RUNDC3B: variants seen among roughly 807,000 people sequenced by gnomAD.
RUNDC3B encodes the protein RUN domain-containing protein 3B.
RUNDC3B carries 33 observed loss-of-function variants against 58.4 expected under a neutral mutation model. That is an observed-to-expected ratio of 0.56 (90% CI 0.43 to 0.75). The LOEUF (loss-of-function observed/expected upper bound fraction) is 0.75, where lower values mean the gene tolerates loss of function less well. Among genes scored for constraint, RUNDC3B ranks in the 30% least tolerant of loss-of-function variants. The pLI is 0.00. For missense variants in RUNDC3B, 501 were observed against 535.7 expected, an observed-to-expected ratio of 0.94 and a Z score of 0.64; for synonymous variants, 193 against 195.2, an observed-to-expected ratio of 0.99 and a Z score of 0.10.
intron 8 of RUNDC3B, among the ~76,000 whole-genome samples, chr7:87,803,764 C>T (rs1584247538): frequency 6.6e-6 from 1 of 151,898 alleles, no homozygotes; most frequent in African/African-American, 2.4e-5. Flanking sequence ...ATATTTTTTT[C>T]GATTGTCATG....
chr7:87,666,111 G>A (rs942113121), intron 2 of RUNDC3B, among the ~76,000 whole-genome samples: 2 of 152,110 alleles, frequency 1.3e-5, no homozygotes, highest in African/African-American at 4.8e-5. Context: ...TAACAGCAGT[G>A]TATAAGCATC....
At chr7:87,694,803 A>G (rs772740091) in intron 2 of RUNDC3B, among the ~76,000 whole-genome samples, 11 of 152,200 alleles carry the variant, frequency 7.2e-5, no homozygotes, top group Non-Finnish European at 1.3e-4. Flanking sequence ...GAGTAAAATT[A>G]CTGGGATAAA....
At chr7:87,736,311 CAT>C (rs1360778651) in intron 4 of RUNDC3B, among the ~76,000 whole-genome samples, 1 of 152,122 alleles carries the variant, frequency 6.6e-6, no homozygotes, top group Non-Finnish European at 1.5e-5. Context: ...ATAGTATCAA[CAT>C]AATTTATATT....
intron 2 of RUNDC3B, among the ~76,000 whole-genome samples, chr7:87,689,239 C>T (rs1563135648): frequency 6.6e-6 from 1 of 151,932 alleles, no homozygotes; most frequent in Non-Finnish European, 1.5e-5. Flanking sequence ...TACAATTAAT[C>T]CAATTTCATG....
At chr7:87,629,085 A>G in intron 1 of RUNDC3B, 140 bp downstream of exon 1, 1 of 797,582 alleles carries the variant, frequency 1.3e-6, no homozygotes, top group Non-Finnish European at 1.7e-6. Context: ...CAAATCTGTG[A>G]GCGCGCAGCT....
intron 1 of RUNDC3B, among the ~76,000 whole-genome samples, chr7:87,642,486 C>G (rs1034788685): frequency 2.6e-5 from 4 of 152,012 alleles, no homozygotes; most frequent in African/African-American, 9.6e-5. Context: ...ATAAAGTGTT[C>G]TTTATTAAAA....
At chr7:87,697,017 A>G (rs890096552) in intron 2 of RUNDC3B, among the ~76,000 whole-genome samples, 5 of 152,178 alleles carry the variant, frequency 3.3e-5, no homozygotes, top group African/African-American at 9.7e-5. Context: ...CAACAGCTCT[A>G]CTTTGAAACA....
chr7:87,826,390 T>TG (rs148891367), intron 10 of RUNDC3B, among the ~76,000 whole-genome samples: 21,784 of 151,528 alleles, frequency 0.14, 2,503 homozygotes, highest in African/African-American at 0.32. Context: ...CCCAGTCACG[T>TG]GAAGTGTGAA....
At chr7:87,756,727 A>T (rs1185899844) in intron 6 of RUNDC3B, among the ~76,000 whole-genome samples, 1 of 152,116 alleles carries the variant, frequency 6.6e-6, no homozygotes, top group African/African-American at 2.4e-5. Context: ...CTGACAAATA[A>T]TGTTGTGCCA....
At chr7:87,682,831 T>C (rs552858749) in intron 2 of RUNDC3B, among the ~76,000 whole-genome samples, 6 of 152,340 alleles carry the variant, frequency 3.9e-5, no homozygotes, top group Non-Finnish European at 8.8e-5. Flanking sequence ...TAGCCCCTAA[T>C]AAGAGAGTCA....
At position 87,651,521 on chromosome 7, in the gene RUNDC3B, AT is replaced by A. The variant is rs1284845890; in HGVS notation, c.238+586del. Reference sequence around the variant, plus strand: ...ATATAGTTGCTAAAATTCAAGAAGTATTATATAGTATAAATCTTAGTAACAA... The same window carrying A: ...ATATAGTTGCTAAAATTCAAGAAGTATATATAGTATAAATCTTAGTAACAA... On this transcript the variant is annotated intron_variant, in intron 2 of 10. Transcript: ENST00000394654. Among the ~76,000 whole-genome samples the A allele has an allele frequency of 2.6e-5, 4 of 152,164 alleles. No homozygotes were observed. In the South Asian group the frequency reaches 6.2e-4, roughly 24 times the overall value.
chr7:87,714,186 A>T (rs1030534939), intron 4 of RUNDC3B, among the ~76,000 whole-genome samples: 1 of 152,190 alleles, frequency 6.6e-6, no homozygotes, highest in African/African-American at 2.4e-5. Context: ...GCAGCCTGCA[A>T]TGCAACGGGG....
At chr7:87,823,599 T>C (rs950115783) in intron 10 of RUNDC3B, among the ~76,000 whole-genome samples, 5 of 151,886 alleles carry the variant, frequency 3.3e-5, no homozygotes, top group Non-Finnish European at 7.4e-5. Context: ...GTCCCCAAAC[T>C]CCTTTGTCTC....
intron 6 of RUNDC3B, among the ~76,000 whole-genome samples, chr7:87,757,846 A>T (rs923539466): frequency 1.3e-5 from 2 of 152,152 alleles, no homozygotes; most frequent in Non-Finnish European, 2.9e-5. Flanking sequence ...TCCAGAAATA[A>T]ATCCATGCAT....
At chr7:87,629,920 CAAA>C (rs202130650) in intron 1 of RUNDC3B, among the ~76,000 whole-genome samples, 11 of 112,644 alleles carry the variant, frequency 9.8e-5, no homozygotes, top group Admixed American at 1.9e-4. Context: ...GAGACTTCGT[CAAA>C]AAAAAAAAAA....
At chr7:87,767,484 C>A (rs557556171) in intron 6 of RUNDC3B, among the ~76,000 whole-genome samples, 1 of 152,196 alleles carries the variant, frequency 6.6e-6, no homozygotes, top group East Asian at 1.9e-4. Flanking sequence ...CAGTGGCTTT[C>A]TCAAATGCTA....
At chr7:87,759,501 G>T (rs1311408741) in intron 6 of RUNDC3B, among the ~76,000 whole-genome samples, 3 of 152,024 alleles carry the variant, frequency 2.0e-5, no homozygotes, top group Non-Finnish European at 4.4e-5. Context: ...CTAACACAAA[G>T]AAATGACACA....
At chr7:87,653,867 G>A (rs1336351890) in intron 2 of RUNDC3B, among the ~76,000 whole-genome samples, 4 of 151,916 alleles carry the variant, frequency 2.6e-5, no homozygotes, top group Non-Finnish European at 4.4e-5. Context: ...GCTGAGTAAA[G>A]TGCTTCAGAT....
At chr7:87,803,626 C>T (rs915691586) in intron 8 of RUNDC3B, among the ~76,000 whole-genome samples, 2 of 152,132 alleles carry the variant, frequency 1.3e-5, no homozygotes, top group Non-Finnish European at 2.9e-5. Flanking sequence ...TATACTCCCT[C>T]TTCTATGAGG....
Sources: gnomAD v4.1 joint callset for allele counts (sites outside exome capture counted in the v4.1 genomes callset) on GRCh38, gnomAD v4.1.1 for gene constraint, MANE v1.5 for transcripts, NCBI Gene and HGNC (gene_info 2026-07-23, HGNC 2026-07-21) for gene names.